Variants in COL5A1 observed in about 807,000 individuals in gnomAD.
The protein encoded by COL5A1 is collagen alpha-1(V) chain.
COL5A1 carries 16 observed loss-of-function variants against 263.7 expected under a neutral mutation model. That is an observed-to-expected ratio of 0.06 (90% CI 0.04 to 0.09). The LOEUF (loss-of-function observed/expected upper bound fraction) is 0.09. COL5A1 is among the 10% of genes least tolerant of loss of function. COL5A1 has a pLI of 1.00. For synonymous variants in COL5A1, 1,012 were observed against 1,004.5 expected, an observed-to-expected ratio of 1.01 and a Z score of -0.14; for missense variants, 2,036 against 2,540.5, an observed-to-expected ratio of 0.80 and a Z score of 4.27.
At chr9:134,649,949 A>G (rs936589670) in intron 1 of COL5A1, among the ~76,000 whole-genome samples, 1 of 145,398 alleles carries the variant, frequency 6.9e-6, no homozygotes, top group Non-Finnish European at 1.5e-5. Context: ...AACCACAAAC[A>G]CCACATGTTC....
At chr9:134,726,166 G>A (rs1471761651) in intron 4 of COL5A1, among the ~76,000 whole-genome samples, 1 of 152,198 alleles carries the variant, frequency 6.6e-6, no homozygotes, top group Non-Finnish European at 1.5e-5. Flanking sequence ...AGTGCAGGCT[G>A]TTTCTCACAA....
intron 4 of COL5A1, chr9:134,708,822 A>T (rs750142113): frequency 2.2e-6 from 1 of 456,564 alleles, no homozygotes; most frequent in Non-Finnish European, 4.4e-6. Context: ...GAATTCCAAG[A>T]TCGAGGTGTG....
At chr9:134,762,766 G>A (rs991335058) in intron 19 of COL5A1, among the ~76,000 whole-genome samples, 1 of 152,204 alleles carries the variant, frequency 6.6e-6, no homozygotes, top group Non-Finnish European at 1.5e-5. Context: ...AGGCTGACAT[G>A]GACGGGGCAC....
At chr9:134,827,179 C>T (rs968888593) in intron 63 of COL5A1, among the ~76,000 whole-genome samples, 6 of 152,234 alleles carry the variant, frequency 3.9e-5, no homozygotes, top group African/African-American at 1.4e-4. Flanking sequence ...CCTCAGTGCC[C>T]CAGAAGCAGT....
At position 134,761,157 on chromosome 9, in the gene COL5A1, C is replaced by T. The variant is rs116616691; in HGVS notation, c.1936-768C>T. 3.7e-3 allele frequency among the ~76,000 whole-genome samples: 532 copies of T among 145,514 alleles called. 4 individuals are homozygous for T. Among genetic ancestry groups the T allele is most frequent in the African/African-American group, 0.013 (493 of 37,642 alleles). On this transcript the variant is annotated intron_variant, in intron 18 of 65. Transcript: ENST00000371817. ...CCCACATGCATACACGCCACGCACACGCATACACACCTATACACACATATG... is the reference window on the plus strand; with the variant it reads ...CCCACATGCATACACGCCACGCACATGCATACACACCTATACACACATATG...
At position 134,646,118 on chromosome 9, in the gene COL5A1, C is replaced by G. The variant is rs1053674141; in HGVS notation, c.109+3822C>G. Reference sequence around the variant, plus strand: ...AGGCCTCTCTGCACATCAGCATAACCTGCCTGGACCCTGAAGGCTTTTGCC... The same window carrying G: ...AGGCCTCTCTGCACATCAGCATAACGTGCCTGGACCCTGAAGGCTTTTGCC... On this transcript the variant is annotated intron_variant, in intron 1 of 65. Transcript: ENST00000371817. Among the ~76,000 whole-genome samples, 27 of 152,204 alleles carry G rather than the reference C, an allele frequency of 1.8e-4. 1 individual carries two copies. The highest frequency in any genetic ancestry group is 2.9e-5 in the Non-Finnish European group (2 of 68,034).
intron 31 of COL5A1, among the ~76,000 whole-genome samples, chr9:134,788,210 ATGGGTAGG>A (rs1252307567): frequency 6.6e-6 from 1 of 150,426 alleles, no homozygotes; most frequent in African/African-American, 2.5e-5. Context: ...AAATCGATGA[ATGGGTAGG>A]TGGGTAGGTA....
Position 134,821,060 on chromosome 9 carries a change from G to C in COL5A1, c.4554+837G>C, listed in dbSNP as rs1045002164. Among the ~76,000 whole-genome samples, 10 of 152,104 alleles carry C rather than the reference G, an allele frequency of 6.6e-5. No homozygotes were observed. Among genetic ancestry groups the C allele is most frequent in the Non-Finnish European group, 1.2e-4 (8 of 68,024 alleles). On this transcript the variant is annotated intron_variant, in intron 58 of 65. Transcript: ENST00000371817. This position sits in a 1 kb window ranked among gnomAD's most constrained non-coding sequence, Gnocchi z 4.2. The stretch of plus-strand genomic sequence containing the variant: ...ACATGGCTGAAGGGTGGAGCTCATT[G>C]CAAACCCTACCTCACTGGCCAGTGT...
At chr9:134,746,049 A>G (rs947302725) in intron 11 of COL5A1, among the ~76,000 whole-genome samples, 2 of 152,116 alleles carry the variant, frequency 1.3e-5, no homozygotes, top group African/African-American at 4.8e-5. Flanking sequence ...CCCATCCTCA[A>G]AGACCCCAAG....
intron 44 of COL5A1, 154 bp downstream of exon 44, chr9:134,810,462 CGT>C (rs1173885493): frequency 1.7e-5 from 12 of 699,870 alleles, no homozygotes; most frequent in Non-Finnish European, 2.2e-5. Flanking sequence ...GTTCCCACAA[CGT>C]GTGTGTGTGC....
chr9:134,718,429 A>G (rs940230836), intron 4 of COL5A1, among the ~76,000 whole-genome samples: 2 of 152,250 alleles, frequency 1.3e-5, no homozygotes, highest in Non-Finnish European at 2.9e-5. Context: ...GCATGAAAAC[A>G]GCTGCCACCT....
At chr9:134,687,499 C>T (rs1483088057) in intron 1 of COL5A1, among the ~76,000 whole-genome samples, 1 of 152,136 alleles carries the variant, frequency 6.6e-6, no homozygotes, top group Non-Finnish European at 1.5e-5. Context: ...TCCATCCATC[C>T]ACCATGTGAT....
Position 134,825,874 on chromosome 9 carries a change from A to C in COL5A1, c.5037A>C (p.Thr1679=). 6.2e-7 allele frequency: 1 copy of C among 1,613,056 alleles called. No individual in the cohort carries two copies. ...VYCNFTAGGS[T]CVFPDKKSEG... ...GCAACTTCACAGCCGGGGGGTCGAC[A>C]TGCGTCTTCCCTGACAAGAAGTCCG... Residue 1679 remains threonine (T), a synonymous_variant, in exon 63 of 66, where the codon ACA becomes ACC. Transcript: ENST00000371817.
At chr9:134,744,352 C>T (rs554946116) in intron 11 of COL5A1, among the ~76,000 whole-genome samples, 8 of 152,100 alleles carry the variant, frequency 5.3e-5, no homozygotes, top group South Asian at 4.2e-4. Context: ...CCTACGTGCA[C>T]GCACTCATGC....
Position 134,642,247 on chromosome 9 carries a change from G to GC in COL5A1, c.65dup (p.Leu23AlafsTer31). 1 of 1,282,112 alleles carries GC rather than the reference G, an allele frequency of 7.8e-7. No individual in the cohort carries two copies. Among genetic ancestry groups the GC allele is most frequent in the Admixed American group, 3.1e-5 (1 of 32,488 alleles). 79.4% of individuals were successfully genotyped at this position (1,282,112 alleles called of 1,614,324 possible). A position where few individuals can be genotyped will look rare whatever the true frequency, so the allele number is the denominator to read the frequency against. On this transcript the variant is annotated frameshift_variant, in exon 1 of 66. Coordinates refer to ENST00000371817, the MANE Select transcript of COL5A1 (RefSeq NM_000093.5). LOFTEE classifies it high-confidence loss of function. The surrounding 1 kb of genome is among the most constrained non-coding windows in gnomAD (Gnocchi z 4.5). ...CGCTCCGCCCGGGCGCCCCGCTGCT[G>GC]CCCCCGCTGCTGCTGCTGCTGCTGT...
intron 18 of COL5A1, 81 bp from the exon 19 acceptor site, chr9:134,761,844 A>C: frequency 3.7e-6 from 5 of 1,352,624 alleles, no homozygotes; most frequent in Non-Finnish European, 5.3e-6. Context: ...TGTCAGAATT[A>C]GAGAAAAACA....
At chr9:134,749,017 T>A (rs980367624) in intron 11 of COL5A1, among the ~76,000 whole-genome samples, 2 of 152,146 alleles carry the variant, frequency 1.3e-5, no homozygotes, top group Admixed American at 6.5e-5. Flanking sequence ...GGCGGGTGGA[T>A]CACGAGGTCA....
chr9:134,700,072 T>C lies in COL5A1; in HGVS notation c.441T>C (p.Pro147=), dbSNP rs1833615155. 11 of 1,612,174 alleles carry C rather than the reference T, an allele frequency of 6.8e-6. No homozygotes were observed. Among genetic ancestry groups the C allele is most frequent in the Non-Finnish European group, 7.6e-6 (9 of 1,180,020 alleles). Residue 147 remains proline (P), a synonymous_variant, in exon 3 of 66, where the codon CCT becomes CCC. Transcript: ENST00000371817. This position sits in a 1 kb window ranked among gnomAD's most constrained non-coding sequence, Gnocchi z 4.0. ...TCTACGAGGACCACACGGGGAAGCC[T>C]GGCCCGGAAGACTACCCCCTCTTCC... ...VFLYEDHTGK[P]GPEDYPLFRG...
intron 64 of COL5A1, among the ~76,000 whole-genome samples, chr9:134,831,682 G>A (rs1839635343): frequency 1.3e-5 from 2 of 152,194 alleles, no homozygotes; most frequent in Non-Finnish European, 2.9e-5. Flanking sequence ...CGCAATGACA[G>A]CTCTCAGCCT....
Sources: allele counts gnomAD v4.1 joint callset (sites outside exome capture counted in the v4.1 genomes callset), GRCh38; gene constraint gnomAD v4.1.1; non-coding constraint Gnocchi (gnomAD v3.1); transcripts MANE v1.5; gene names NCBI Gene and HGNC (gene_info 2026-07-23, HGNC 2026-07-21).